DIAPH2: variants seen among roughly 807,000 people sequenced by gnomAD.
DIAPH2 encodes diaphanous related formin 2, also known as protein diaphanous homolog 2.
A neutral mutation model predicts 92.7 loss-of-function variants in DIAPH2; 35 were observed. That is an observed-to-expected ratio of 0.38 (90% CI 0.29 to 0.50). The LOEUF is 0.50. DIAPH2 is among the 20% of genes least tolerant of loss of function. The pLI is 0.94. For missense variants in DIAPH2, 701 were observed against 819.5 expected (o/e 0.86, Z 1.77); for synonymous variants, 301 against 280.4 (o/e 1.07, Z -0.73).
intron 26 of DIAPH2, among the ~76,000 whole-genome samples, chrX:97,514,677 G>T (rs1179793864): frequency 1.8e-5 from 2 of 109,446 alleles, no homozygotes; most frequent in Admixed American, 9.8e-5. Flanking sequence ...GTGATGTACA[G>T]ATGGGTTTTT....
At chrX:96,955,504 C>T (rs2147815406) in intron 15 of DIAPH2, among the ~76,000 whole-genome samples, 1 of 111,119 alleles carries the variant, frequency 9.0e-6, no homozygotes, top group Admixed American at 9.6e-5. Flanking sequence ...AGTCTTAACT[C>T]ATTCCAGCAT....
At chrX:97,389,989 A>G (rs527263388) in intron 25 of DIAPH2, among the ~76,000 whole-genome samples, 3 of 110,916 alleles carry the variant, frequency 2.7e-5, no homozygotes, top group South Asian at 3.9e-4. Context: ...AATAGCTCCA[A>G]TGGAAAACTT....
chrX:97,313,681 C>G (rs775405673), intron 23 of DIAPH2, among the ~76,000 whole-genome samples: 2 of 110,736 alleles, frequency 1.8e-5, no homozygotes, highest in Non-Finnish European at 3.8e-5. Flanking sequence ...CTCTCTCGCC[C>G]CGGCTGGAGT....
chrX:97,438,958 G>A (rs1487229318), intron 26 of DIAPH2, among the ~76,000 whole-genome samples: 1 of 112,032 alleles, frequency 8.9e-6, no homozygotes, highest in Non-Finnish European at 1.9e-5. Context: ...ACCTTAGCAT[G>A]CCTAGTGATT....
At chrX:97,274,893 C>T (rs913124230) in intron 23 of DIAPH2, among the ~76,000 whole-genome samples, 2 of 111,015 alleles carry the variant, frequency 1.8e-5, no homozygotes, top group Non-Finnish European at 3.8e-5. Context: ...GCCCATCTTG[C>T]ACCGCCCTTA....
chrX:97,251,660 TG>T (rs1311159028), intron 23 of DIAPH2, among the ~76,000 whole-genome samples: 1 of 111,516 alleles, frequency 9.0e-6, no homozygotes, highest in African/African-American at 3.3e-5. Context: ...TGACCTCAGG[TG>T]ACCAGCCCAC....
At chrX:97,293,397 CAT>C (rs2068614362) in intron 23 of DIAPH2, among the ~76,000 whole-genome samples, 3 of 109,437 alleles carry the variant, frequency 2.7e-5, no homozygotes, top group Non-Finnish European at 3.8e-5. Context: ...GGATTACAGG[CAT>C]GCACCACCAG....
rs985287079 is a variant in DIAPH2, at chrX:97,433,573, T to G, written c.3241+3828T>G. Among the ~76,000 whole-genome samples, 82 of 111,487 alleles carry G rather than the reference T, an allele frequency of 7.4e-4. 1 individual carries two copies. The highest frequency in any genetic ancestry group is 2.5e-3 in the African/African-American group (76 of 30,612). ...TATCACAGGCCCCAGATAGTCGAAATGTACACAGGTGATAAATAACGACTC... is the reference window on the plus strand; with the variant it reads ...TATCACAGGCCCCAGATAGTCGAAAGGTACACAGGTGATAAATAACGACTC... On this transcript the variant is annotated intron_variant, in intron 26 of 26. Transcript: ENST00000324765.
chrX:97,563,062 G>C (rs752296945), intron 26 of DIAPH2, among the ~76,000 whole-genome samples: 2 of 111,911 alleles, frequency 1.8e-5, no homozygotes, highest in East Asian at 5.6e-4. Flanking sequence ...TTTATAATAA[G>C]CCCTCATACA....
At chrX:97,403,064 AG>A (rs2069773912) in intron 25 of DIAPH2, among the ~76,000 whole-genome samples, 1 of 112,012 alleles carries the variant, frequency 8.9e-6, no homozygotes, top group Admixed American at 9.5e-5. Context: ...ACCAAGTGTG[AG>A]GCCCTTCTGA....
At chrX:96,736,168 G>T (rs1423546137) in intron 2 of DIAPH2, among the ~76,000 whole-genome samples, 1 of 111,438 alleles carries the variant, frequency 9.0e-6, no homozygotes, top group East Asian at 2.8e-4. Context: ...CTGTTAGTCA[G>T]ATGTGTGCTA....
At chrX:97,029,146 C>CTTTTTTT in intron 17 of DIAPH2, among the ~76,000 whole-genome samples, 1 of 92,721 alleles carries the variant, frequency 1.1e-5, no homozygotes, top group Non-Finnish European at 2.2e-5. Context: ...TTTTCTTTTT[C>CTTTTTTT]TTTTTTTTTT....
At chrX:97,422,226 A>C (rs2070016419) in intron 25 of DIAPH2, among the ~76,000 whole-genome samples, 2 of 110,662 alleles carry the variant, frequency 1.8e-5, no homozygotes, top group Admixed American at 1.9e-4. Flanking sequence ...CACAGTGCAC[A>C]TGTATGTGCA....
At chrX:96,780,420 T>C (rs1461945519) in intron 4 of DIAPH2, among the ~76,000 whole-genome samples, 2 of 112,232 alleles carry the variant, frequency 1.8e-5, no homozygotes, top group African/African-American at 6.5e-5. Context: ...GTGACACTTT[T>C]AAATGCATTT....
intron 24 of DIAPH2, among the ~76,000 whole-genome samples, chrX:97,363,618 A>T (rs535968902): frequency 5.0e-5 from 5 of 100,835 alleles, no homozygotes; most frequent in African/African-American, 1.8e-4. Flanking sequence ...GTGAGCCGAT[A>T]TCACGCCACT....
chrX:97,507,152 A>G (rs990405657), intron 26 of DIAPH2, among the ~76,000 whole-genome samples: 8 of 99,195 alleles, frequency 8.1e-5, no homozygotes. Context: ...AAAAAAAAAA[A>G]AAAAAAAAAA....
At chrX:97,563,751 G>T (rs1054314014) in intron 26 of DIAPH2, among the ~76,000 whole-genome samples, 1 of 110,863 alleles carries the variant, frequency 9.0e-6, no homozygotes, top group Non-Finnish European at 1.9e-5. Context: ...AAGCTAGGCT[G>T]CATTCACAGG....
rs988975283 is a variant in DIAPH2, at chrX:97,048,365, G to A, written c.2051-24576G>A. Among the ~76,000 whole-genome samples, 8 of 111,081 alleles carry A rather than the reference G, an allele frequency of 7.2e-5. No individual in the cohort carries two copies. In the South Asian group the frequency reaches 3.0e-3, roughly 42 times the overall value. ...TATAAATCTCCTTTTTAGAAACATA[G>A]CATTCCTTATGATTAGATTCAGGAT... On this transcript the variant is annotated intron_variant, in intron 17 of 26. Coordinates refer to ENST00000324765, the MANE Select transcript of DIAPH2 (RefSeq NM_006729.5).
At chrX:97,326,252 G>A (rs980785304) in intron 23 of DIAPH2, among the ~76,000 whole-genome samples, 2 of 112,000 alleles carry the variant, frequency 1.8e-5, no homozygotes, top group Non-Finnish European at 3.8e-5. Context: ...CCACTAAAAT[G>A]ACATTTCAAA....
Sources: allele counts gnomAD v4.1 joint callset (sites outside exome capture counted in the v4.1 genomes callset), GRCh38; gene constraint gnomAD v4.1.1; transcripts MANE v1.5; gene names NCBI Gene and HGNC (gene_info 2026-07-23, HGNC 2026-07-21).